ZNF81: variants seen among roughly 807,000 people sequenced by gnomAD.
The protein encoded by ZNF81 is zinc finger protein 81.
ZNF81 carries 5 observed loss-of-function variants against 32.3 expected under a neutral mutation model. That is an observed-to-expected ratio of 0.15 (90% confidence interval 0.08 to 0.33). ZNF81 has a LOEUF of 0.33. Ranked by LOEUF, ZNF81 falls within the 10% of genes least tolerant of loss-of-function variation. The pLI is 1.00. For missense variants in ZNF81, 379 were observed against 479.8 expected, an observed-to-expected ratio of 0.79 and a Z score of 1.96; for synonymous variants, 163 against 166.8, an observed-to-expected ratio of 0.98 and a Z score of 0.17.
At chrX:47,839,963 AGT>A (rs1229419226) in intron 1 of ZNF81, among the ~76,000 whole-genome samples, 2 of 110,130 alleles carry the variant, frequency 1.8e-5, no homozygotes, top group African/African-American at 6.6e-5. Context: ...AGCTATCGTT[AGT>A]GTTAGTGTAT....
intron 2 of ZNF81, among the ~76,000 whole-genome samples, chrX:47,863,483 G>A (rs2148014822): frequency 8.9e-6 from 1 of 112,425 alleles, no homozygotes; most frequent in African/African-American, 3.2e-5. Context: ...CAATTGCAAA[G>A]TGTAAGATTA....
intron 4 of ZNF81, among the ~76,000 whole-genome samples, chrX:47,902,869 C>T (rs1404509482): frequency 1.8e-5 from 2 of 111,380 alleles, no homozygotes; most frequent in Admixed American, 9.5e-5. Context: ...GCCTGGCCAA[C>T]GTGGTGAACC....
chrX:47,907,673 GA>G (rs1241384236), intron 4 of ZNF81, among the ~76,000 whole-genome samples: 1 of 111,475 alleles, frequency 9.0e-6, no homozygotes. Context: ...GGAGGAGAAA[GA>G]AAACACAGAT....
intron 4 of ZNF81, among the ~76,000 whole-genome samples, chrX:47,914,463 A>G (rs1402263519): frequency 2.7e-5 from 3 of 111,914 alleles, no homozygotes; most frequent in African/African-American, 9.7e-5. Flanking sequence ...TACCTTTTCT[A>G]TGTTTAGATA....
chrX:47,846,366 G>C, intron 2 of ZNF81, 45 bp downstream of exon 2: 2 of 1,178,412 alleles, frequency 1.7e-6, no homozygotes, highest in African/African-American at 3.5e-5. Flanking sequence ...TTCATCCACA[G>C]CCCTGAAGGA....
intron 2 of ZNF81, among the ~76,000 whole-genome samples, chrX:47,857,654 C>T (rs1006331087): frequency 4.5e-5 from 5 of 111,079 alleles, no homozygotes; most frequent in African/African-American, 1.6e-4. Flanking sequence ...CCCTTCTATG[C>T]TGGGCCATTC....
chrX:47,892,836 C>T lies in ZNF81; in HGVS notation c.182-3009C>T, dbSNP rs1438479045. Among the ~76,000 whole-genome samples the T allele has an allele frequency of 3.6e-5, 4 of 112,611 alleles. No homozygotes were observed. In the East Asian group the frequency reaches 8.4e-4, roughly 24 times the overall value. On this transcript the variant is annotated intron_variant, in intron 3 of 4. Coordinates refer to ENST00000338637, the MANE Select transcript of ZNF81 (RefSeq NM_007137.5). ...TTCTTTGTACTTCACCTTTTGGGAC[C>T]TGCTTTGACTTAAGTCCAGTTATAT... is the stretch of plus-strand genomic sequence containing the variant.
chrX:47,848,288 A>C (rs1243082411), intron 2 of ZNF81, among the ~76,000 whole-genome samples: 2 of 111,117 alleles, frequency 1.8e-5, no homozygotes, highest in Non-Finnish European at 1.9e-5. Context: ...TCACATGTAC[A>C]TTTTCTCTGC....
chrX:47,907,637 T>G (rs782210452), intron 4 of ZNF81, among the ~76,000 whole-genome samples: 7 of 111,669 alleles, frequency 6.3e-5, no homozygotes, highest in Non-Finnish European at 1.1e-4. Flanking sequence ...ATTAACACAA[T>G]TGATAAATTT....
chrX:47,878,984 C>T (rs1233067688), intron 2 of ZNF81, among the ~76,000 whole-genome samples: 1 of 111,516 alleles, frequency 9.0e-6, no homozygotes, highest in African/African-American at 3.3e-5. Flanking sequence ...CTTCCTCCAT[C>T]TTCAAAGCCA....
chrX:47,847,430 A>G (rs985255406), intron 2 of ZNF81, among the ~76,000 whole-genome samples: 3 of 112,031 alleles, frequency 2.7e-5, no homozygotes, highest in Non-Finnish European at 5.6e-5. Context: ...GGCATAGGGG[A>G]AAACCATTTG....
Position 47,853,257 on chromosome X carries a change from A to G in ZNF81, c.54+6936A>G, listed in dbSNP as rs782034670. On this transcript the variant is annotated intron_variant, in intron 2 of 4. Transcript: ENST00000338637. ...AGTGGTGCGATCTCGGCTCACTGCA[A>G]CCTCGCCTCTGCCTCCTGGGTTCAA... is the stretch of plus-strand genomic sequence containing the variant. Among the ~76,000 whole-genome samples the G allele has an allele frequency of 1.2e-4, 13 of 107,955 alleles. No individual in the cohort carries two copies. In the South Asian group the frequency reaches 3.8e-3, roughly 31 times the overall value. 93.7% of individuals were successfully genotyped at this position (107,955 alleles called of 115,157 possible).
Position 47,918,823 on chromosome X carries a change from C to T in ZNF81, c.*2191C>T, listed in dbSNP as rs782062721. On this transcript the variant is annotated 3_prime_UTR_variant, in exon 5 of 5. Transcript: ENST00000338637. Reference sequence around the variant, plus strand: ...TATCTGCCCCTGGAGCCAAGGGAACCGACAACATTTGCTCTGTGGGATTTC... The same window carrying T: ...TATCTGCCCCTGGAGCCAAGGGAACTGACAACATTTGCTCTGTGGGATTTC... 140 of 119,042 alleles carry T rather than the reference C, an allele frequency of 1.2e-3. 1 individual carries two copies. Among genetic ancestry groups the T allele is most frequent in the Middle Eastern group, 8.2e-3 (2 of 244 alleles). 9.8% of individuals were successfully genotyped at this position (119,042 alleles called of 1,213,427 possible).
chrX:47,847,168 G>A (rs1470220704), intron 2 of ZNF81, among the ~76,000 whole-genome samples: 1 of 111,944 alleles, frequency 8.9e-6, no homozygotes, highest in African/African-American at 3.3e-5. Flanking sequence ...ACTGTTACAC[G>A]TACTCTACGT....
At chrX:47,896,339 A>C (rs2058679909) in intron 4 of ZNF81, among the ~76,000 whole-genome samples, 2 of 111,532 alleles carry the variant, frequency 1.8e-5, no homozygotes, top group African/African-American at 3.3e-5. Flanking sequence ...CTTTTTGAAA[A>C]TCCGTTGGTT....
At chrX:47,855,191 A>T (rs897330477) in intron 2 of ZNF81, among the ~76,000 whole-genome samples, 11 of 110,052 alleles carry the variant, frequency 1.0e-4, no homozygotes, top group South Asian at 3.7e-4. Context: ...AAATAAAAAT[A>T]AAAAAACCCC....
rs558475998 is a variant in ZNF81 at position 47,858,317 on chromosome X, T to C, written c.54+11996T>C. Among the ~76,000 whole-genome samples the C allele has an allele frequency of 5.4e-4, 61 of 112,128 alleles. 1 individual carries two copies. Among genetic ancestry groups the C allele is most frequent in the East Asian group, 5.6e-4 (2 of 3,571 alleles). On this transcript the variant is annotated intron_variant, in intron 2 of 4. Coordinates refer to ENST00000338637, the MANE Select transcript of ZNF81 (RefSeq NM_007137.5). ...CCTTCCCCAAACTCACCCTAGGGAT[T>C]GTCACTGAAGTAGTGAAGGCTGATT...
chrX:47,865,102 G>T (rs1206191804), intron 2 of ZNF81, among the ~76,000 whole-genome samples: 3 of 111,707 alleles, frequency 2.7e-5, no homozygotes, highest in African/African-American at 9.8e-5. Context: ...TTTGTGAATT[G>T]AGGGCCCCAT....
chrX:47,868,494 C>T (rs1011740298), intron 2 of ZNF81, among the ~76,000 whole-genome samples: 44 of 111,253 alleles, frequency 4.0e-4, no homozygotes, highest in African/African-American at 1.4e-3. Flanking sequence ...CTGAGACCTT[C>T]GTGGTGATTT....
Sources: allele counts gnomAD v4.1 joint callset (sites outside exome capture counted in the v4.1 genomes callset), GRCh38; gene constraint gnomAD v4.1.1; transcripts MANE v1.5; gene names NCBI Gene and HGNC (gene_info 2026-07-23, HGNC 2026-07-21).